ZNF407: variants seen among roughly 807,000 people sequenced by gnomAD.
The protein encoded by ZNF407 is zinc finger protein 407.
ZNF407 carries 17 observed loss-of-function variants against 131.2 expected under a neutral mutation model. The observed-to-expected ratio is 0.13, with a 90% CI of 0.09 to 0.19. ZNF407 has a LOEUF of 0.19. ZNF407 is among the 10% of genes least tolerant of loss of function. The probability of loss-of-function intolerance (pLI) is 1.00; values close to 1 mark genes in which losing one functional copy is unlikely to be tolerated. For missense variants in ZNF407, 2,681 were observed against 2,830.6 expected, an observed-to-expected ratio of 0.95 and a Z score of 1.20; for synonymous variants, 1,156 against 1,062.0, an observed-to-expected ratio of 1.09 and a Z score of -1.72.
intron 3 of ZNF407, among the ~76,000 whole-genome samples, chr18:74,730,073 G>C (rs1968259332): frequency 6.6e-6 from 1 of 152,162 alleles, no homozygotes; most frequent in South Asian, 2.1e-4. Context: ...AAGGCCATGT[G>C]CCAGGCGCTA....
intron 8 of ZNF407, among the ~76,000 whole-genome samples, chr18:74,989,246 A>G (rs1262920052): frequency 6.6e-6 from 1 of 152,252 alleles, no homozygotes; most frequent in African/African-American, 2.4e-5. Context: ...AGCTCTGGAA[A>G]AGACAGATCT....
intron 3 of ZNF407, among the ~76,000 whole-genome samples, chr18:74,778,239 C>T (rs1969515466): frequency 6.6e-6 from 1 of 152,144 alleles, no homozygotes; most frequent in Admixed American, 6.5e-5. Flanking sequence ...TTTATGCTCC[C>T]ACATCACATC....
intron 1 of ZNF407, among the ~76,000 whole-genome samples, chr18:74,616,612 T>C (rs1983298116): frequency 1.3e-5 from 2 of 151,938 alleles, no homozygotes. Context: ...ATTAAAAAAA[T>C]GCACAAACAA....
chr18:74,948,619 T>C (rs1229708711), intron 8 of ZNF407, among the ~76,000 whole-genome samples: 2 of 152,296 alleles, frequency 1.3e-5, no homozygotes, highest in Non-Finnish European at 2.9e-5. Context: ...GTATTGAAAA[T>C]TATATTTCTT....
At chr18:74,723,408 G>A (rs1968085294) in intron 3 of ZNF407, among the ~76,000 whole-genome samples, 1 of 152,166 alleles carries the variant, frequency 6.6e-6, no homozygotes, top group South Asian at 2.1e-4. Flanking sequence ...CTGGATTATG[G>A]TATATTGTTT....
chr18:74,709,487 T>A (rs531341410), intron 3 of ZNF407, among the ~76,000 whole-genome samples: 1 of 152,370 alleles, frequency 6.6e-6, no homozygotes, highest in East Asian at 1.9e-4. Flanking sequence ...ATATTGATAA[T>A]GTATTAATGT....
chr18:74,916,620 C>A (rs1167779373), intron 7 of ZNF407, among the ~76,000 whole-genome samples: 2 of 75,114 alleles, frequency 2.7e-5, no homozygotes, highest in Admixed American at 1.8e-4. Context: ...AGCATTGGTT[C>A]GAATCGGGAG....
rs1984083258 is a variant in ZNF407, at chr18:74,631,568, T to C, written c.549T>C (p.Asp183=). The change falls in exon 2 of 9, where the codon GAT becomes GAC. Residue 183 remains aspartate, a synonymous_variant. Coordinates refer to ENST00000299687, the MANE Select transcript of ZNF407 (RefSeq NM_017757.3). ...ISVSCTIGNV[D]TVLKCSICGH... Reference sequence around the variant, plus strand: ...TTAGTTGTACCATTGGGAATGTAGATACAGTTCTCAAATGCAGCATCTGTG... The same window carrying C: ...TTAGTTGTACCATTGGGAATGTAGACACAGTTCTCAAATGCAGCATCTGTG... 12 of 1,613,656 alleles carry C rather than the reference T, an allele frequency of 7.4e-6. No homozygotes were observed. Among genetic ancestry groups the C allele is most frequent in the Non-Finnish European group, 1.0e-5 (12 of 1,179,914 alleles).
At chr18:74,929,427 T>C (rs1971955904) in intron 8 of ZNF407, among the ~76,000 whole-genome samples, 2 of 152,206 alleles carry the variant, frequency 1.3e-5, no homozygotes, top group Admixed American at 1.3e-4. Context: ...ATCGTGATCT[T>C]ATCCCCTCTG....
At chr18:74,662,468 C>G (rs1985756917) in intron 3 of ZNF407, among the ~76,000 whole-genome samples, 1 of 152,104 alleles carries the variant, frequency 6.6e-6, no homozygotes, top group Admixed American at 6.5e-5. Flanking sequence ...CAACATTAGG[C>G]TTGAAATAAG....
intron 8 of ZNF407, among the ~76,000 whole-genome samples, chr18:74,994,757 A>G (rs1391834457): frequency 6.6e-6 from 1 of 152,212 alleles, no homozygotes; most frequent in Admixed American, 6.5e-5. Context: ...AGCGACAGGA[A>G]GAATAGATGA....
intron 3 of ZNF407, among the ~76,000 whole-genome samples, chr18:74,653,063 A>G (rs1294540042): frequency 1.3e-5 from 2 of 151,974 alleles, no homozygotes. Context: ...TTCTGTATTT[A>G]GATTTTGTAG....
intron 8 of ZNF407, among the ~76,000 whole-genome samples, chr18:74,994,281 C>T (rs944802526): frequency 1.3e-5 from 2 of 152,244 alleles, no homozygotes; most frequent in Admixed American, 6.5e-5. Flanking sequence ...TAGATAAATG[C>T]TGTAAAACAT....
chr18:75,052,640 A>G (rs958448920), intron 8 of ZNF407, among the ~76,000 whole-genome samples: 3 of 152,222 alleles, frequency 2.0e-5, no homozygotes, highest in Non-Finnish European at 2.9e-5. Flanking sequence ...TTGTGTGCCA[A>G]GTGGACTCAG....
chr18:74,665,812 C>T (rs1985909527), intron 3 of ZNF407, among the ~76,000 whole-genome samples: 1 of 152,160 alleles, frequency 6.6e-6, no homozygotes, highest in Non-Finnish European at 1.5e-5. Flanking sequence ...TTCTTCTCAC[C>T]TGTAACAACT....
intron 4 of ZNF407, among the ~76,000 whole-genome samples, chr18:74,814,550 A>C (rs1005481223): frequency 2.0e-5 from 3 of 151,978 alleles, no homozygotes; most frequent in African/African-American, 7.2e-5. Context: ...GAAGAAATTC[A>C]GTTTGTTGAA....
In ZNF407 at chr18:74,884,304, G is replaced by A. The variant is rs1040530218; in HGVS notation, c.5128+3185G>A. 4.5e-4 allele frequency among the ~76,000 whole-genome samples: 69 copies of A among 152,178 alleles called. 1 individual carries two copies. Among genetic ancestry groups the A allele is most frequent in the African/African-American group, 1.5e-3 (64 of 41,522 alleles). ...AACACAAAACTCCTTCTATATTTCTGTAGTATATTTTCCTGAAGAAATTAC... is the reference window on the plus strand; with the variant it reads ...AACACAAAACTCCTTCTATATTTCTATAGTATATTTTCCTGAAGAAATTAC... On this transcript the variant is annotated intron_variant, in intron 6 of 8. Transcript: ENST00000299687.
intron 3 of ZNF407, among the ~76,000 whole-genome samples, chr18:74,737,252 G>A (rs1358924497): frequency 6.6e-6 from 1 of 152,156 alleles, no homozygotes; most frequent in Non-Finnish European, 1.5e-5. Flanking sequence ...CAGAGCTGGT[G>A]TTAATCATTT....
intron 3 of ZNF407, among the ~76,000 whole-genome samples, chr18:74,734,051 C>A (rs1047608078): frequency 6.6e-6 from 1 of 152,120 alleles, no homozygotes; most frequent in Non-Finnish European, 1.5e-5. Flanking sequence ...AGGCCCACAT[C>A]GGTTCATTCT....
Sources: allele counts gnomAD v4.1 joint callset (sites outside exome capture counted in the v4.1 genomes callset), GRCh38; gene constraint gnomAD v4.1.1; transcripts MANE v1.5; gene names NCBI Gene and HGNC (gene_info 2026-07-23, HGNC 2026-07-21).